FCHSD1: variants seen among roughly 807,000 people sequenced by gnomAD.
The protein encoded by FCHSD1 is F-BAR and double SH3 domains protein 1.
Under a neutral mutation model 101.3 loss-of-function variants are expected in FCHSD1, and 109 were observed. The ratio of observed to expected loss-of-function variants is 1.08; its 90% CI spans 0.92 to 1.26. The LOEUF (loss-of-function observed/expected upper bound fraction) is 1.26. Ranked by LOEUF, FCHSD1 falls within the 50% of genes most tolerant of loss-of-function variation. The probability of loss-of-function intolerance (pLI) is 0.00; values close to 1 mark genes in which losing one functional copy is unlikely to be tolerated. For synonymous variants in FCHSD1, 291 were observed against 356.8 expected (o/e 0.82, Z 2.08); for missense variants, 820 against 895.8 (o/e 0.92, Z 1.08).
Position 141,641,303 on chromosome 5 carries a change from A to C in FCHSD1, c.*195T>G, listed in dbSNP as rs1479316940. On this transcript the variant is annotated 3_prime_UTR_variant, in exon 20 of 20. Coordinates refer to ENST00000435817, the MANE Select transcript of FCHSD1 (RefSeq NM_033449.3). ...GAAGGTAGTTCCGGTCCTAGAGATG[A>C]TAGAACAATGGGAAAAAAAGGAGTG... 3.9e-6 allele frequency: 2 copies of C among 514,546 alleles called. No individual in the cohort carries two copies. The highest frequency in any genetic ancestry group is 3.8e-5 in the African/African-American group (2 of 52,616). The allele number at this position is 514,546 out of a possible 1,614,324, so 31.9% of individuals were successfully genotyped here. A position where few individuals can be genotyped will look rare whatever the true frequency, so the allele number is the denominator to read the frequency against.
Position 141,644,425 on chromosome 5 carries a change from C to T in FCHSD1, c.1656G>A (p.Gln552=). 1.2e-6 allele frequency: 2 copies of T among 1,613,766 alleles called. No homozygotes were observed. The highest frequency in any genetic ancestry group is 2.2e-5 in the South Asian group (2 of 91,046). The part of the protein sequence containing the change: ...CGAEPTAFLA[Q]ALYSYTGQSA... ...TCTGTCCGGTGTAGCTGTACAGGGC[C>T]TGTGCCAGGAATGCTACAGAGGCCC... Residue 552 remains glutamine (Q), a synonymous_variant, in exon 17 of 20, where the codon CAG becomes CAA. Coordinates refer to ENST00000435817, the MANE Select transcript of FCHSD1 (RefSeq NM_033449.3).
At position 141,646,118 on chromosome 5, in the gene FCHSD1, T is replaced by C. The variant is rs774170369; in HGVS notation, c.1118A>G (p.Gln373Arg). ...CCGGCGGATGCTCTCTCGCACTTCC[T>C]GTAACCTCTGTTCTATGCTTGGAGC... ...REAPSIEQRL[Q>R]EVRESIRRAQ... Residue 373 changes from glutamine to arginine, a missense_variant, in exon 12 of 20, where the codon CAG (glutamine) becomes CGG (arginine). Coordinates refer to ENST00000435817, the MANE Select transcript of FCHSD1 (RefSeq NM_033449.3). 43 of 1,612,524 alleles carry C rather than the reference T, an allele frequency of 2.7e-5. No individual in the cohort carries two copies. The highest frequency in any genetic ancestry group is 3.6e-5 in the Non-Finnish European group (43 of 1,179,482).
chr5:141,646,796 C>T, intron 10 of FCHSD1, 74 bp from the exon 11 acceptor site: 1 of 1,544,360 alleles, frequency 6.5e-7, no homozygotes, highest in African/African-American at 1.4e-5. Flanking sequence ...TTTTTCCACT[C>T]TATCTTGACC....
At chr5:141,648,656 G>C (rs776490479) in intron 7 of FCHSD1, among the ~76,000 whole-genome samples, 10 of 152,128 alleles carry the variant, frequency 6.6e-5, no homozygotes, top group Non-Finnish European at 1.2e-4. Context: ...ACCAGACTGT[G>C]AGGGCAGGAA....
chr5:141,650,056 T>C, intron 3 of FCHSD1, 102 bp from the exon 4 acceptor site: 1 of 1,227,174 alleles, frequency 8.1e-7, no homozygotes, highest in Non-Finnish European at 1.1e-6. Flanking sequence ...TTGGGTACAT[T>C]ATGTGCCACT....
chr5:141,647,088 A>G (rs758139303), intron 10 of FCHSD1, 47 bp downstream of exon 10: 1 of 1,509,656 alleles, frequency 6.6e-7, no homozygotes. Context: ...CCTAAATCAT[A>G]ATCGCCTTTA....
At position 141,651,089 on chromosome 5, in the gene FCHSD1, C is replaced by T; in HGVS notation, c.50G>A (p.Arg17His). The change falls in exon 2 of 20, where the codon CGC becomes CAC. Residue 17 changes from arginine (R) to histidine (H), a missense_variant. By Grantham distance (29) the Arg-to-His change is conservative. Transcript: ENST00000435817. ...AAGGATGCTCAGCTGTTCCAGGAAG[C>T]GAAGCTTCACCTCCTGGGCCGGCTT... ...KVKPAQEVKL[R>H]FLEQLSILQT... 1 of 1,595,356 alleles carries T rather than the reference C, an allele frequency of 6.3e-7. No homozygotes were observed. Among genetic ancestry groups the T allele is most frequent in the African/African-American group, 1.3e-5 (1 of 74,690 alleles).
At position 141,644,365 on chromosome 5, in the gene FCHSD1, G is replaced by A; in HGVS notation, c.1716C>T (p.Leu572=). ...CTTGGGCCCGGGGCAGCAGACGGAT[G>A]AGTGCCCCCTCAGGGAAGCTCAGCT... is the stretch of plus-strand genomic sequence containing the variant. The part of the protein sequence containing the change: ...AEELSFPEGA[L]IRLLPRAQDG... The change falls in exon 17 of 20, where the codon CTC becomes CTT. Residue 572 remains leucine (L), a synonymous_variant. Transcript: ENST00000435817. 6.2e-7 allele frequency: 1 copy of A among 1,613,976 alleles called. No individual in the cohort carries two copies. The highest frequency in any genetic ancestry group is 8.5e-7 in the Non-Finnish European group (1 of 1,179,876).
At position 141,646,200 on chromosome 5, in the gene FCHSD1, G is replaced by A. The variant is rs74910284; in HGVS notation, c.1045-9C>T. ...TCCAGTCGTTGCAGTACCTGGTTGG[G>A]AAGGCAGAGAACAGGGGTGGGTGGA... is the stretch of plus-strand genomic sequence containing the variant. On this transcript the variant is annotated splice_polypyrimidine_tract_variant and intron_variant, in intron 11 of 19. Coordinates refer to ENST00000435817, the MANE Select transcript of FCHSD1 (RefSeq NM_033449.3). 0.041 allele frequency: 65,271 copies of A among 1,591,398 alleles called. 1,564 individuals carry two copies. The highest frequency in any genetic ancestry group is 0.065 in the Middle Eastern group (393 of 6,036).
In FCHSD1 at chr5:141,649,812, A is replaced by G; in HGVS notation, c.233+75T>C. ...TGCCTTCCCCACTTGCTAGGCCTTCATCCCCACAGGTTCCTGGGGCTGAGC... is the reference window on the plus strand; with the variant it reads ...TGCCTTCCCCACTTGCTAGGCCTTCGTCCCCACAGGTTCCTGGGGCTGAGC... On this transcript the variant is annotated intron_variant, in intron 4 of 19. Coordinates refer to ENST00000435817, the MANE Select transcript of FCHSD1 (RefSeq NM_033449.3). This position sits in a 1 kb window ranked among gnomAD's most constrained non-coding sequence, Gnocchi z 4.1. The G allele has an allele frequency of 6.7e-7, 1 of 1,497,954 alleles. No homozygotes were observed. The highest frequency in any genetic ancestry group is 8.9e-7 in the Non-Finnish European group (1 of 1,118,218). 92.8% of individuals were successfully genotyped at this position (1,497,954 alleles called of 1,614,324 possible).
At position 141,640,722 on chromosome 5, in the gene FCHSD1, G is replaced by A; in HGVS notation, c.*776C>T. The A allele has an allele frequency of 6.6e-7, 1 of 1,514,946 alleles. No individual in the cohort carries two copies. The highest frequency in any genetic ancestry group is 1.2e-5 in the South Asian group (1 of 82,348). 93.8% of individuals were successfully genotyped at this position (1,514,946 alleles called of 1,614,324 possible). ...CAGCTGGCAGGGCCAGGGGGTGGGT[G>A]GGCGTGAAAGCCCTCCCCTCCACTG... is the stretch of plus-strand genomic sequence containing the variant. On this transcript the variant is annotated 3_prime_UTR_variant, in exon 20 of 20. Coordinates refer to ENST00000435817, the MANE Select transcript of FCHSD1 (RefSeq NM_033449.3).
intron 17 of FCHSD1, 70 bp from the exon 18 acceptor site, chr5:141,643,158 C>T: frequency 8.1e-7 from 1 of 1,240,736 alleles, no homozygotes; most frequent in South Asian, 1.7e-5. Context: ...CCTCTCATCC[C>T]ATCTCCAGTT....
chr5:141,647,654 C>T, intron 8 of FCHSD1, 134 bp from the exon 9 acceptor site: 1 of 1,390,964 alleles, frequency 7.2e-7, no homozygotes. Flanking sequence ...ATGAGAAAGG[C>T]CCTCGTGTGC....
rs1392296202 is a variant in FCHSD1, at chr5:141,651,222, C to T, written c.22-105G>A. 18 of 1,513,970 alleles carry T rather than the reference C, an allele frequency of 1.2e-5. No homozygotes were observed. The East Asian group carries it at 2.2e-4, about 19-fold the overall frequency. The allele number at this position is 1,513,970 out of a possible 1,614,324, so 93.8% of individuals were successfully genotyped here. ...GGCCGGGGGGGTGCTGAGCTCTTTC[C>T]TCTGTTACTTCTGGTTTGGGGTCTG... On this transcript the variant is annotated intron_variant, in intron 1 of 19. Coordinates refer to ENST00000435817, the MANE Select transcript of FCHSD1 (RefSeq NM_033449.3).
In FCHSD1 at chr5:141,641,516, G is replaced by A. The variant is rs1398858092; in HGVS notation, c.2055C>T (p.His685=). 6.6e-7 allele frequency: 1 copy of A among 1,507,762 alleles called. No individual in the cohort carries two copies. Among genetic ancestry groups the A allele is most frequent in the Non-Finnish European group, 8.9e-7 (1 of 1,128,458 alleles). 93.4% of individuals were successfully genotyped at this position (1,507,762 alleles called of 1,614,324 possible). A position where few individuals can be genotyped will look rare whatever the true frequency, so the allele number is the denominator to read the frequency against. ...CTGGCCTTCAGGTGAGGGGATCTGG[G>A]TGGCCAGGATCCGGGGCTTTAGCCG... ...PPPAKAPDPG[H]PDPLT Residue 685 remains histidine (H), a synonymous_variant, in exon 20 of 20, where the codon CAC becomes CAT. Coordinates refer to ENST00000435817, the MANE Select transcript of FCHSD1 (RefSeq NM_033449.3).
chr5:141,641,872 TA>T (rs1281220222), intron 18 of FCHSD1, 115 bp from the exon 19 acceptor site: 20 of 1,067,328 alleles, frequency 1.9e-5, no homozygotes, highest in Non-Finnish European at 2.7e-5. Flanking sequence ...GTCACCATCC[TA>T]GACCATAAAA....
Position 141,640,783 on chromosome 5 carries a change from C to T in FCHSD1, c.*715G>A. ...CCCCCCAGCTGAGGGACCAGCTCTA[C>T]TTCCACCTGGAGTTGCACAGTCTCA... is the stretch of plus-strand genomic sequence containing the variant. On this transcript the variant is annotated 3_prime_UTR_variant, in exon 20 of 20. Coordinates refer to ENST00000435817, the MANE Select transcript of FCHSD1 (RefSeq NM_033449.3). The T allele has an allele frequency of 9.7e-7, 1 of 1,028,388 alleles. No homozygotes were observed. The highest frequency in any genetic ancestry group is 1.4e-6 in the Non-Finnish European group (1 of 716,210). 63.7% of individuals were successfully genotyped at this position (1,028,388 alleles called of 1,614,324 possible).
chr5:141,641,164 T>G lies in FCHSD1; in HGVS notation c.*334A>C. The G allele has an allele frequency of 3.0e-6, 1 of 334,038 alleles. No individual in the cohort carries two copies. The highest frequency in any genetic ancestry group is 4.8e-5 in the East Asian group (1 of 20,762). The allele number at this position is 334,038 out of a possible 1,614,324, so 20.7% of individuals were successfully genotyped here. ...CTGGCATCCAGAGTGGGGTGGGTCA[T>G]GGAGCCAGGGTGGGGAAAGAGGTGG... is the stretch of plus-strand genomic sequence containing the variant. On this transcript the variant is annotated 3_prime_UTR_variant, in exon 20 of 20. Coordinates refer to ENST00000435817, the MANE Select transcript of FCHSD1 (RefSeq NM_033449.3).
rs2154598403 is a variant in FCHSD1, at chr5:141,645,871, T to C, written c.1211A>G (p.Glu404Gly). Residue 404 changes from glutamate to glycine, a missense_variant, in exon 13 of 20, where the codon GAG becomes GGG. Transcript: ENST00000435817. The stretch of plus-strand genomic sequence containing the variant: ...GGTCATGGCTGGCTTCAGCCAGCGC[T>C]CCACATCTAAGCCAGCCCCCTGCAG... Reference protein sequence around the residue: ...ALLQGAGLDVERWLKPAMTQA... With the variant: ...ALLQGAGLDVGRWLKPAMTQA... The C allele has an allele frequency of 6.3e-7, 1 of 1,592,082 alleles. No individual in the cohort carries two copies. Among genetic ancestry groups the C allele is most frequent in the African/African-American group, 1.3e-5 (1 of 74,678 alleles).
Sources: allele counts gnomAD v4.1 joint callset (sites outside exome capture counted in the v4.1 genomes callset), GRCh38; gene constraint gnomAD v4.1.1; non-coding constraint Gnocchi (gnomAD v3.1); transcripts MANE v1.5; gene names NCBI Gene and HGNC (gene_info 2026-07-23, HGNC 2026-07-21).